SUN3: variants seen among roughly 807,000 people sequenced by gnomAD.
The protein encoded by SUN3 is SUN domain-containing protein 3.
Under a neutral mutation model 48.2 loss-of-function variants are expected in SUN3, and 36 were observed. The observed-to-expected ratio is 0.75, with a 90% CI of 0.57 to 0.99. The LOEUF is 0.99. SUN3 is among the 50% of genes least tolerant of loss of function. The pLI is 0.00. For missense variants in SUN3, 419 were observed against 433.1 expected, an observed-to-expected ratio of 0.97 and a Z score of 0.29; for synonymous variants, 148 against 147.9, an observed-to-expected ratio of 1.00 and a Z score of 0.00.
chr7:48,017,348 A>T lies in SUN3; in HGVS notation c.202T>A (p.Trp68Arg), dbSNP rs1789841380. ...TGAGGAACATCTGTTTCTTTAAGCC[A>T]CTGATGATTTAGGAGTCCTGTTAAA... ...FLLVGLLNHQ[W>R]LKETDVPQKS... Residue 68 changes from tryptophan to arginine, a missense_variant, in exon 3 of 10, where the codon TGG becomes AGG. By Grantham distance (101) the Trp-to-Arg change is moderately radical. Transcript: ENST00000297325. 1 of 1,602,366 alleles carries T rather than the reference A, an allele frequency of 6.2e-7. No homozygotes were observed. The highest frequency in any genetic ancestry group is 1.3e-5 in the African/African-American group (1 of 74,654).
At chr7:48,027,492 G>T (rs528455773) in intron 1 of SUN3, among the ~76,000 whole-genome samples, 2 of 152,270 alleles carry the variant, frequency 1.3e-5, no homozygotes, top group South Asian at 2.1e-4. Context: ...AGCCCTAAAG[G>T]GTGGATGGGG....
intron 3 of SUN3, among the ~76,000 whole-genome samples, chr7:48,009,998 G>C (rs1432319119): frequency 6.6e-6 from 1 of 152,056 alleles, no homozygotes; most frequent in Non-Finnish European, 1.5e-5. Context: ...ACGGTGGTTG[G>C]GTGCTCACAT....
rs375017318 is a variant in SUN3 at position 47,988,815 on chromosome 7, T to C, written c.927A>G (p.Gly309=). Residue 309 remains glycine (G), a synonymous_variant, in exon 9 of 10, where the codon GGA becomes GGG. Transcript: ENST00000297325. ...GGAGTTCAAATGTTTGAACGGTGGT[T>C]CCTGTTTTGTTATATATAAACTGAC... ...FLGQFIYNKT[G]TTVQTFELQH... 26 of 1,606,814 alleles carry C rather than the reference T, an allele frequency of 1.6e-5. No homozygotes were observed. The highest frequency in any genetic ancestry group is 2.1e-5 in the Non-Finnish European group (25 of 1,175,756).
chr7:48,031,077 CA>C (rs1790250540), upstream of SUN3, among the ~76,000 whole-genome samples: 1 of 152,160 alleles, frequency 6.6e-6, no homozygotes, highest in South Asian at 2.1e-4. Context: ...TTGGTCTTGA[CA>C]ATGACTTTTT....
At chr7:47,988,964 C>T (rs1788974787) in intron 8 of SUN3, 84 bp from the exon 9 acceptor site, 5 of 770,338 alleles carry the variant, frequency 6.5e-6, no homozygotes, top group South Asian at 4.9e-5. Flanking sequence ...CACCAAATAT[C>T]TCTGTGTGTC....
At chr7:47,997,799 C>G (rs923425477) in intron 6 of SUN3, among the ~76,000 whole-genome samples, 1 of 152,200 alleles carries the variant, frequency 6.6e-6, no homozygotes, top group African/African-American at 2.4e-5. Context: ...ATTACCTATT[C>G]TGGACATTTC....
chr7:47,989,113 G>T (rs1788980185), intron 8 of SUN3: 2 of 367,132 alleles, frequency 5.4e-6, no homozygotes, highest in Non-Finnish European at 9.8e-6. Flanking sequence ...CAGACAGATA[G>T]ATAGATAGAT....
At chr7:48,034,795 G>C in the SUN3 span, among the ~76,000 whole-genome samples, 1 of 152,142 alleles carries the variant, frequency 6.6e-6, no homozygotes, top group Non-Finnish European at 1.5e-5. Context: ...CTTAAGCCAA[G>C]TGTTTGGAGT....
rs1341214163 is a variant in SUN3 at position 47,996,077 on chromosome 7, C to T, written c.647G>A (p.Gly216Glu). 33 of 1,594,610 alleles carry T rather than the reference C, an allele frequency of 2.1e-5. No homozygotes were observed. The highest frequency in any genetic ancestry group is 2.7e-5 in the Non-Finnish European group (32 of 1,173,434). Residue 216 changes from glycine (G) to glutamate (E), a missense_variant, in exon 7 of 10, where the codon GGG (glycine) becomes GAG (glutamate). By Grantham distance (98) the Gly-to-Glu change is moderately conservative. Transcript: ENST00000297325. ...CATTTCATGATTTAGGAAACCTATC[C>T]CATGCCAGTACAATTTTGCTTTATT... is the stretch of plus-strand genomic sequence containing the variant. The part of the protein sequence containing the change: ...KNNKAKLYWH[G>E]IGFLNHEMPP...
At chr7:48,001,229 C>T (rs900527301) in intron 6 of SUN3, among the ~76,000 whole-genome samples, 1 of 152,128 alleles carries the variant, frequency 6.6e-6, no homozygotes, top group African/African-American at 2.4e-5. Flanking sequence ...CTGATCCTCT[C>T]CCTTCTCTCA....
At chr7:48,001,379 C>A (rs1789362313) in intron 6 of SUN3, among the ~76,000 whole-genome samples, 1 of 152,108 alleles carries the variant, frequency 6.6e-6, no homozygotes. Flanking sequence ...AGGATAATGG[C>A]CTCCAGCTCC....
intron 1 of SUN3, among the ~76,000 whole-genome samples, chr7:48,026,161 A>G (rs887792095): frequency 5.3e-5 from 8 of 152,176 alleles, no homozygotes; most frequent in African/African-American, 1.9e-4. Context: ...GAGTGCGCAT[A>G]CATAGAGTCA....
the SUN3 span, among the ~76,000 whole-genome samples, chr7:48,034,896 A>T: frequency 6.6e-6 from 1 of 152,220 alleles, no homozygotes; most frequent in Non-Finnish European, 1.5e-5. Flanking sequence ...AATAAGATAT[A>T]AGGAAGAATG....
intron 6 of SUN3, among the ~76,000 whole-genome samples, chr7:48,000,797 G>T (rs548543471): frequency 4.7e-5 from 7 of 149,464 alleles, no homozygotes; most frequent in African/African-American, 1.5e-4. Context: ...ACTATGATGT[G>T]TCTGGATGTC....
At chr7:48,033,607 T>C (rs1386995931), upstream of SUN3, among the ~76,000 whole-genome samples, 1 of 152,192 alleles carries the variant, frequency 6.6e-6, no homozygotes, top group Non-Finnish European at 1.5e-5. Context: ...TTCTAAGGAA[T>C]GATAACACTT....
intron 6 of SUN3, among the ~76,000 whole-genome samples, chr7:48,004,818 A>T (rs548075532): frequency 1.3e-5 from 2 of 152,366 alleles, no homozygotes; most frequent in Non-Finnish European, 2.9e-5. Context: ...CACAAGGCTC[A>T]CATCTGCAGT....
intron 1 of SUN3, among the ~76,000 whole-genome samples, chr7:48,027,742 AG>A (rs551516934): frequency 2.0e-3 from 305 of 152,342 alleles, no homozygotes; most frequent in African/African-American, 7.0e-3. Context: ...AGAGTGTGAC[AG>A]TGTGGAAACC....
chr7:47,995,729 G>C (rs1292403249), intron 7 of SUN3, among the ~76,000 whole-genome samples: 1 of 151,962 alleles, frequency 6.6e-6, no homozygotes, highest in South Asian at 2.1e-4. Context: ...GGAAAAGGAT[G>C]GTCACAGAAT....
chr7:48,010,818 A>T (rs1429815172), intron 3 of SUN3, among the ~76,000 whole-genome samples: 1 of 152,166 alleles, frequency 6.6e-6, no homozygotes, highest in Non-Finnish European at 1.5e-5. Flanking sequence ...ATGGAAATTT[A>T]TTCTGTCGCT....
Sources: allele counts gnomAD v4.1 joint callset (sites outside exome capture counted in the v4.1 genomes callset), GRCh38; gene constraint gnomAD v4.1.1; transcripts MANE v1.5; gene names NCBI Gene and HGNC (gene_info 2026-07-23, HGNC 2026-07-21).